The following PNMA2 variants were observed in gnomAD, a reference collection of about 807,000 sequenced individuals.
PNMA2 encodes PNMA family member 2, also known as paraneoplastic antigen Ma2.
For missense variants in PNMA2, 455 were observed against 452.9 expected, an observed-to-expected ratio of 1.00 and a Z score of -0.04; for synonymous variants, 175 against 183.5, an observed-to-expected ratio of 0.95 and a Z score of 0.38.
At chr8:26,512,197 C>T (rs1808170841) in intron 1 of PNMA2, among the ~76,000 whole-genome samples, 1 of 152,198 alleles carries the variant, frequency 6.6e-6, no homozygotes, top group Non-Finnish European at 1.5e-5. Flanking sequence ...AATCTGTTTC[C>T]TAACCTGGAA....
rs1808036740 is a variant in PNMA2, at chr8:26,505,784, AGTTC to A, written c.*1873_*1876del. 6.6e-6 allele frequency: 1 copy of A among 152,192 alleles called. No individual in the cohort carries two copies. The highest frequency in any genetic ancestry group is 2.4e-5 in the African/African-American group (1 of 41,420). The allele number at this position is 152,192 out of a possible 1,614,324, so 9.4% of individuals were successfully genotyped here. A position where few individuals can be genotyped will look rare whatever the true frequency, so the allele number is the denominator to read the frequency against. On this transcript the variant is annotated 3_prime_UTR_variant, in exon 3 of 3. Coordinates refer to ENST00000522362, the MANE Select transcript of PNMA2 (RefSeq NM_007257.6). ...GGTGAGTGGATCACTTGAGGTCAGG[AGTTC>A]GAGACCAGCCTGGCCAACATGGTGA...
chr8:26,512,745 G>A (rs935444832), intron 1 of PNMA2: 2 of 152,288 alleles, frequency 1.3e-5, no homozygotes, highest in African/African-American at 4.8e-5. Context: ...TACGCGGAAA[G>A]GACGTGGAGA....
At position 26,506,074 on chromosome 8, in the gene PNMA2, A is replaced by G. The variant is rs1808041449; in HGVS notation, c.*1587T>C. Reference sequence around the variant, plus strand: ...ACTGCTAGAAAATCTGCAGAACTGCAGAGCACAATTTGAAAGTCATCGTGA... The same window carrying G: ...ACTGCTAGAAAATCTGCAGAACTGCGGAGCACAATTTGAAAGTCATCGTGA... On this transcript the variant is annotated 3_prime_UTR_variant, in exon 3 of 3. Transcript: ENST00000522362. The surrounding 1 kb of genome is among the most constrained non-coding windows in gnomAD (Gnocchi z 4.4). 2 of 152,202 alleles carry G rather than the reference A, an allele frequency of 1.3e-5. No homozygotes were observed. The highest frequency in any genetic ancestry group is 6.5e-5 in the Admixed American group (1 of 15,286). The allele number at this position is 152,202 out of a possible 1,614,324, so 9.4% of individuals were successfully genotyped here. A position where few individuals can be genotyped will look rare whatever the true frequency, so the allele number is the denominator to read the frequency against.
Position 26,512,320 on chromosome 8 carries a change from G to A in PNMA2, c.-619+1496C>T, listed in dbSNP as rs1283748187. 2.6e-5 allele frequency among the ~76,000 whole-genome samples: 4 copies of A among 152,266 alleles called. No homozygotes were observed. The East Asian group carries it at 7.7e-4, about 29-fold the overall frequency. On this transcript the variant is annotated intron_variant, in intron 1 of 2. Coordinates refer to ENST00000522362, the MANE Select transcript of PNMA2 (RefSeq NM_007257.6). ...TATTCAAATGCAAAGCACATCTGCC[G>A]CTAAGTCCAAAATGCCCCCTCCGGT...
rs1458173096 is a variant in PNMA2, at chr8:26,508,760, C to T, written c.-5G>A. 6.2e-7 allele frequency: 1 copy of T among 1,604,574 alleles called. No homozygotes were observed. The highest frequency in any genetic ancestry group is 8.5e-7 in the Non-Finnish European group (1 of 1,175,636). On this transcript the variant is annotated 5_prime_UTR_variant, in exon 3 of 3. Coordinates refer to ENST00000522362, the MANE Select transcript of PNMA2 (RefSeq NM_007257.6). This position sits in a 1 kb window ranked among gnomAD's most constrained non-coding sequence, Gnocchi z 5.5. ...CTCTAACAGTGCCAGCGCCATTGTCCTAAGAATTGACCCACTCTGACTCTA... is the reference window on the plus strand; with the variant it reads ...CTCTAACAGTGCCAGCGCCATTGTCTTAAGAATTGACCCACTCTGACTCTA...
chr8:26,507,907 G>C lies in PNMA2; in HGVS notation c.849C>G (p.Arg283=), dbSNP rs778774752. Residue 283 remains arginine, a synonymous_variant, in exon 3 of 3, where the codon CGC becomes CGG. Transcript: ENST00000522362. ...ETLLRRAVEK[R]AIPRRIADQV... ...GGTCCGCAATACGCCGAGGGATGGC[G>C]CGTTTCTCCACCGCTCTCCGGAGCA... 1.2e-6 allele frequency: 2 copies of C among 1,614,134 alleles called. No individual in the cohort carries two copies. Among genetic ancestry groups the C allele is most frequent in the South Asian group, 2.2e-5 (2 of 91,082 alleles).
At position 26,508,392 on chromosome 8, in the gene PNMA2, G is replaced by A. The variant is rs1808088154; in HGVS notation, c.364C>T (p.Arg122Ter). 1 of 1,614,212 alleles carries A rather than the reference G, an allele frequency of 6.2e-7. No homozygotes were observed. The highest frequency in any genetic ancestry group is 1.3e-5 in the African/African-American group (1 of 75,058). ...KEGQTVSGMF[R>*]ALGQEGVSPA... is the part of the protein sequence containing the mutation. ...GACACGCCCTCCTGCCCCAGGGCTC[G>A]AAACATACCCGAGACCGTCTGCCCC... Residue 122 changes from arginine (R) to a stop codon, truncating the protein, a stop_gained, in exon 3 of 3, where the codon CGA (arginine) becomes TGA (stop). Transcript: ENST00000522362. LOFTEE classifies it high-confidence loss of function. This position sits in a 1 kb window ranked among gnomAD's most constrained non-coding sequence, Gnocchi z 5.5.
Position 26,508,271 on chromosome 8 carries a change from T to C in PNMA2, c.485A>G (p.Tyr162Cys). Residue 162 changes from tyrosine to cysteine, a missense_variant, in exon 3 of 3, where the codon TAC becomes TGC. Physicochemically the swap from Tyr to Cys is radical, Grantham distance 194 (BLOSUM62 -2). Transcript: ENST00000522362. The surrounding 1 kb of genome is among the most constrained non-coding windows in gnomAD (Gnocchi z 5.5). ...CCCTGAGAATACTCGCAGTTTCCGG[T>C]ATCTCATGGGTAGCAGGGGCTGAGG... ...HAPQPLLPMR[Y>C]RKLRVFSGSA... 1 of 1,600,466 alleles carries C rather than the reference T, an allele frequency of 6.2e-7. No individual in the cohort carries two copies. The highest frequency in any genetic ancestry group is 1.1e-5 in the South Asian group (1 of 88,630).
At chr8:26,512,386 T>A (rs1359115219) in intron 1 of PNMA2, among the ~76,000 whole-genome samples, 1 of 149,742 alleles carries the variant, frequency 6.7e-6, no homozygotes, top group Non-Finnish European at 1.5e-5. Context: ...TTCCCCAGTC[T>A]GTTTCTCATC....
chr8:26,506,513 C>A lies in PNMA2; in HGVS notation c.*1148G>T. 1 of 152,384 alleles carries A rather than the reference C, an allele frequency of 6.6e-6. No individual in the cohort carries two copies. The highest frequency in any genetic ancestry group is 1.5e-5 in the Non-Finnish European group (1 of 68,072). The allele number at this position is 152,384 out of a possible 1,614,324, so 9.4% of individuals were successfully genotyped here. A position where few individuals can be genotyped will look rare whatever the true frequency, so the allele number is the denominator to read the frequency against. ...AAAGCTTAGGTTGAGTCATCTGTGT[C>A]TTCAGGGCCTGACACAGCACCTAGC... On this transcript the variant is annotated 3_prime_UTR_variant, in exon 3 of 3. Coordinates refer to ENST00000522362, the MANE Select transcript of PNMA2 (RefSeq NM_007257.6). This position sits in a 1 kb window ranked among gnomAD's most constrained non-coding sequence, Gnocchi z 4.4.
chr8:26,512,113 T>A (rs928479815), intron 1 of PNMA2, among the ~76,000 whole-genome samples: 1 of 152,164 alleles, frequency 6.6e-6, no homozygotes, highest in African/African-American at 2.4e-5. Flanking sequence ...GACTTTGAGG[T>A]GGAAGACTCC....
rs905615169 is a variant in PNMA2, at chr8:26,508,038, C to T, written c.718G>A (p.Val240Met). Residue 240 changes from valine to methionine, a missense_variant, in exon 3 of 3, where the codon GTG becomes ATG. Physicochemically the swap from Val to Met is conservative, Grantham distance 21. Coordinates refer to ENST00000522362, the MANE Select transcript of PNMA2 (RefSeq NM_007257.6). The surrounding 1 kb of genome is among the most constrained non-coding windows in gnomAD (Gnocchi z 5.5). ...CTGCGGCTCTCTAGGCTCCCAAACA[C>T]TTGCTTAAAGGCCTCCAAACACTCT... ...VEECLEAFKQ[V>M]FGSLESRRTA... 1.9e-6 allele frequency: 3 copies of T among 1,614,152 alleles called. No individual in the cohort carries two copies. Among genetic ancestry groups the T allele is most frequent in the Admixed American group, 1.7e-5 (1 of 60,018 alleles).
chr8:26,508,402 C>T lies in PNMA2; in HGVS notation c.354G>A (p.Ser118=), dbSNP rs1263027460. 3 of 1,614,230 alleles carry T rather than the reference C, an allele frequency of 1.9e-6. No homozygotes were observed. The highest frequency in any genetic ancestry group is 1.7e-5 in the Admixed American group (1 of 60,032). Residue 118 remains serine (S), a synonymous_variant, in exon 3 of 3, where the codon TCG becomes TCA. Coordinates refer to ENST00000522362, the MANE Select transcript of PNMA2 (RefSeq NM_007257.6). The surrounding 1 kb of genome is among the most constrained non-coding windows in gnomAD (Gnocchi z 5.5). ...LFLEKEGQTV[S]GMFRALGQEG... ...CCTGCCCCAGGGCTCGAAACATACC[C>T]GAGACCGTCTGCCCCTCTTTTTCTA...
In PNMA2 at chr8:26,508,476, T is replaced by TA; in HGVS notation, c.279dup (p.Lys94Ter). On this transcript the variant is annotated frameshift_variant, in exon 3 of 3. Coordinates refer to ENST00000522362, the MANE Select transcript of PNMA2 (RefSeq NM_007257.6). LOFTEE classifies it high-confidence loss of function. The surrounding 1 kb of genome is among the most constrained non-coding windows in gnomAD (Gnocchi z 5.5). The stretch of plus-strand genomic sequence containing the variant: ...AACTCAGTGTCCTGATTAGGGGTCT[T>TA]AAAGATCACCTTCCAGACACCCCCC... 2 of 1,614,232 alleles carry TA rather than the reference T, an allele frequency of 1.2e-6. No homozygotes were observed. Among genetic ancestry groups the TA allele is most frequent in the Non-Finnish European group, 1.7e-6 (2 of 1,180,040 alleles).
chr8:26,508,225 C>T lies in PNMA2; in HGVS notation c.531G>A (p.Glu177=). Residue 177 remains glutamate, a synonymous_variant, in exon 3 of 3, where the codon GAG becomes GAA. Coordinates refer to ENST00000522362, the MANE Select transcript of PNMA2 (RefSeq NM_007257.6). The surrounding 1 kb of genome is among the most constrained non-coding windows in gnomAD (Gnocchi z 5.5). ...VFSGSAVPAP[E]EESFEVWLEQ... Reference sequence around the variant, plus strand: ...CCAACCAGACCTCAAAGGACTCTTCCTCTGGGGCTGGGACAGCACTCCCTG... The same window carrying T: ...CCAACCAGACCTCAAAGGACTCTTCTTCTGGGGCTGGGACAGCACTCCCTG... 1 of 1,607,750 alleles carries T rather than the reference C, an allele frequency of 6.2e-7. No homozygotes were observed. Among genetic ancestry groups the T allele is most frequent in the Non-Finnish European group, 8.5e-7 (1 of 1,176,690 alleles).
At position 26,508,015 on chromosome 8, in the gene PNMA2, G is replaced by A; in HGVS notation, c.741C>T (p.Arg247=). The change falls in exon 3 of 3, where the codon CGC becomes CGT. Residue 247 remains arginine (R), a synonymous_variant. Transcript: ENST00000522362. The surrounding 1 kb of genome is among the most constrained non-coding windows in gnomAD (Gnocchi z 5.5). ...FKQVFGSLES[R]RTAQVRYLKT... is the part of the protein sequence containing the mutation. ...TCAGATACCTCACCTGGGCTGTCCT[G>A]CGGCTCTCTAGGCTCCCAAACACTT... 6.2e-7 allele frequency: 1 copy of A among 1,614,234 alleles called. No homozygotes were observed. Among genetic ancestry groups the A allele is most frequent in the African/African-American group, 1.3e-5 (1 of 75,066 alleles).
Position 26,508,699 on chromosome 8 carries a change from C to A in PNMA2, c.57G>T (p.Lys19Asn). Reference sequence around the variant, plus strand: ...CCGGTATCCCCGTAACCATCAGTGACTTCTGCTCATCCACACTCATTATCC... The same window carrying A: ...CCGGTATCCCCGTAACCATCAGTGAATTCTGCTCATCCACACTCATTATCC... ...WCRIMSVDEQ[K>N]SLMVTGIPAD... is the part of the protein sequence containing the mutation. Residue 19 changes from lysine (K) to asparagine (N), a missense_variant, in exon 3 of 3, where the codon AAG becomes AAT. Coordinates refer to ENST00000522362, the MANE Select transcript of PNMA2 (RefSeq NM_007257.6). This position sits in a 1 kb window ranked among gnomAD's most constrained non-coding sequence, Gnocchi z 5.5. The A allele has an allele frequency of 6.2e-7, 1 of 1,614,186 alleles. No homozygotes were observed. Among genetic ancestry groups the A allele is most frequent in the South Asian group, 1.1e-5 (1 of 91,072 alleles).
chr8:26,512,732 T>C (rs1204294740), intron 1 of PNMA2: 3 of 152,284 alleles, frequency 2.0e-5, no homozygotes, highest in Non-Finnish European at 4.4e-5. Flanking sequence ...AGGCAGGGAC[T>C]GATACGCGGA....
At chr8:26,511,637 T>A (rs1192978406) in intron 1 of PNMA2, 1 of 152,018 alleles carries the variant, frequency 6.6e-6, no homozygotes, top group Non-Finnish European at 1.5e-5. Context: ...TAGCTGGGCG[T>A]GTGGCACTCG....
Sources: allele counts gnomAD v4.1 joint callset (sites outside exome capture counted in the v4.1 genomes callset), GRCh38; gene constraint gnomAD v4.1.1; non-coding constraint Gnocchi (gnomAD v3.1); transcripts MANE v1.5; gene names NCBI Gene and HGNC (gene_info 2026-07-23, HGNC 2026-07-21).